Variants in KATNAL2 observed in about 807,000 individuals in gnomAD.
KATNAL2 encodes katanin catalytic subunit A1 like 2, also known as katanin p60 ATPase-containing subunit A-like 2.
Under a neutral mutation model 76.3 loss-of-function variants are expected in KATNAL2, and 52 were observed. That is an observed-to-expected ratio of 0.68 (90% CI 0.55 to 0.86). KATNAL2 has a LOEUF of 0.86. Among genes scored for constraint, KATNAL2 ranks in the 40% least tolerant of loss-of-function variants. The probability of loss-of-function intolerance (pLI) is 0.00; values close to 1 mark genes in which losing one functional copy is unlikely to be tolerated. For missense variants in KATNAL2, 660 were observed against 668.9 expected, an observed-to-expected ratio of 0.99 and a Z score of 0.15; for synonymous variants, 243 against 244.2, an observed-to-expected ratio of 1.00 and a Z score of 0.05.
chr18:46,961,800 G>C (rs2156047), intron 3 of KATNAL2, among the ~76,000 whole-genome samples: 9 of 151,734 alleles, frequency 5.9e-5, no homozygotes, highest in Admixed American at 3.3e-4. Flanking sequence ...TGGCATTTTT[G>C]ATTTGGGCTT....
intron 3 of KATNAL2, chr18:47,032,856 A>G: frequency 2.0e-6 from 3 of 1,495,868 alleles, no homozygotes; most frequent in Admixed American, 3.9e-5. Flanking sequence ...TCACAGGGCC[A>G]GCACATGACA....
rs1411488080 is a variant in KATNAL2, at chr18:47,067,069, C to T, written c.775C>T (p.Leu259Phe). ...PNIKWNDIIG[L>F]DAAKQLVKEA... ...CATAAAGTGGAATGACATTATTGGA[C>T]TTGATGCAGCCAAGCAGTTAGTCAA... The change falls in exon 11 of 18, where the codon CTT becomes TTT. Residue 259 changes from leucine (L) to phenylalanine (F), a missense_variant. Physicochemically the swap from Leu to Phe is conservative, Grantham distance 22. Transcript: ENST00000683218. 3 of 1,588,802 alleles carry T rather than the reference C, an allele frequency of 1.9e-6. 1 individual carries two copies. In the South Asian group the frequency reaches 3.4e-5, roughly 18 times the overall value.
chr18:47,066,847 TTATATATA>T (rs56018747), intron 10 of KATNAL2, among the ~76,000 whole-genome samples, 166 bp from the exon 11 acceptor site: 314 of 29,576 alleles, frequency 0.011, 7 homozygotes, highest in Non-Finnish European at 0.013. Flanking sequence ...ATATATGTGT[TTATATATA>T]TATATATATA....
intron 3 of KATNAL2, chr18:47,034,101 G>A (rs2060634533): frequency 6.2e-7 from 1 of 1,614,084 alleles, no homozygotes; most frequent in African/African-American, 1.3e-5. Flanking sequence ...ACTGATCGTA[G>A]GTGAGGTATT....
Position 46,946,366 on chromosome 18 carries a change from G to T in KATNAL2, c.-200G>T, listed in dbSNP as rs1599401822. On this transcript the variant is annotated 5_prime_UTR_variant, in exon 2 of 18. Transcript: ENST00000683218. ...GCTCTTGACAACCAAAGTGTCCACA[G>T]CAGATTCGTCCAGTCTAGATAGACC... 1 of 1,026,482 alleles carries T rather than the reference G, an allele frequency of 9.7e-7. No individual in the cohort carries two copies. The allele number at this position is 1,026,482 out of a possible 1,614,324, so 63.6% of individuals were successfully genotyped here.
At chr18:47,080,415 A>G (rs1021145046) in intron 15 of KATNAL2, among the ~76,000 whole-genome samples, 2 of 152,214 alleles carry the variant, frequency 1.3e-5, no homozygotes, top group Non-Finnish European at 2.9e-5. Flanking sequence ...AATCAATTTT[A>G]GAACATTTTT....
intron 3 of KATNAL2, among the ~76,000 whole-genome samples, chr18:46,954,399 C>T (rs143039474): frequency 0.019 from 2,770 of 143,992 alleles, 43 homozygotes; most frequent in Admixed American, 0.037. Flanking sequence ...GGCATGATCT[C>T]GGCTCACTGC....
intron 6 of KATNAL2, among the ~76,000 whole-genome samples, chr18:47,057,793 C>T (rs2061512614): frequency 6.6e-6 from 1 of 152,170 alleles, no homozygotes; most frequent in African/African-American, 2.4e-5. Context: ...GGATTAAAAC[C>T]ATGGGGCCAA....
chr18:46,955,413 G>A (rs1423222109), intron 3 of KATNAL2, among the ~76,000 whole-genome samples: 4 of 150,668 alleles, frequency 2.7e-5, no homozygotes, highest in African/African-American at 7.3e-5. Flanking sequence ...AAGTAGAGAC[G>A]GGGTTTCTTC....
chr18:47,057,501 C>T (rs555844333), intron 6 of KATNAL2, among the ~76,000 whole-genome samples: 3 of 152,332 alleles, frequency 2.0e-5, no homozygotes, highest in African/African-American at 7.2e-5. Context: ...TGTATATACT[C>T]TTGTAACCAC....
intron 3 of KATNAL2, among the ~76,000 whole-genome samples, chr18:46,959,300 A>T (rs2059861001): frequency 6.6e-6 from 1 of 152,244 alleles, no homozygotes; most frequent in South Asian, 2.1e-4. Context: ...AAGGAAGATT[A>T]ACCCCTTCAA....
chr18:46,944,144 G>A (rs1335820068), intron 1 of KATNAL2, among the ~76,000 whole-genome samples: 2 of 152,110 alleles, frequency 1.3e-5, no homozygotes, highest in East Asian at 3.8e-4. Context: ...TATTTCTGTA[G>A]CAAAATGTTA....
intron 3 of KATNAL2, among the ~76,000 whole-genome samples, chr18:47,037,942 C>A (rs1426886281): frequency 6.6e-6 from 1 of 152,038 alleles, no homozygotes; most frequent in African/African-American, 2.4e-5. Context: ...ACCTTGGCCT[C>A]CCAAATTGCT....
At chr18:47,050,363 A>G (rs896938650) in intron 4 of KATNAL2, among the ~76,000 whole-genome samples, 2 of 152,220 alleles carry the variant, frequency 1.3e-5, no homozygotes, top group African/African-American at 4.8e-5. Context: ...TGAGGAACTT[A>G]CTAGAATGTA....
At chr18:47,032,686 G>A (rs965890618) in intron 3 of KATNAL2, 13 of 421,340 alleles carry the variant, frequency 3.1e-5, no homozygotes, top group African/African-American at 2.6e-4. Flanking sequence ...AAGGAAAAAG[G>A]AAATCTCACA....
intron 15 of KATNAL2, among the ~76,000 whole-genome samples, chr18:47,094,063 C>T (rs559240009): frequency 6.6e-6 from 1 of 152,260 alleles, no homozygotes; most frequent in South Asian, 2.1e-4. Flanking sequence ...TTTAGGTCAC[C>T]AGGGCTCCAC....
intron 1 of KATNAL2, among the ~76,000 whole-genome samples, chr18:46,942,114 G>C (rs1045751424): frequency 6.6e-6 from 1 of 152,172 alleles, no homozygotes; most frequent in African/African-American, 2.4e-5. Flanking sequence ...CTATGAGGAA[G>C]TTAAGTTTAA....
At position 47,069,995 on chromosome 18, in the gene KATNAL2, A is replaced by G. The variant is rs533765491; in HGVS notation, c.1008+395A>G. ...CTGTATGTTAGTCCCTATGCTAGAT[A>G]CTCTAAGAAAGAATCAAGAAACTTT... is the stretch of plus-strand genomic sequence containing the variant. On this transcript the variant is annotated intron_variant, in intron 13 of 17. Coordinates refer to ENST00000683218, the MANE Select transcript of KATNAL2 (RefSeq NM_001387690.1). Among the ~76,000 whole-genome samples, 8 of 152,084 alleles carry G rather than the reference A, an allele frequency of 5.3e-5. No homozygotes were observed. The East Asian group carries it at 1.5e-3, about 29-fold the overall frequency.
intron 2 of KATNAL2, 62 bp downstream of exon 2, chr18:46,946,608 A>C (rs1245515750): frequency 8.3e-6 from 8 of 966,440 alleles, no homozygotes; most frequent in African/African-American, 1.8e-5. Flanking sequence ...AACAATTGCA[A>C]AGCCCGCCCT....
Sources: gnomAD v4.1 joint callset for allele counts (sites outside exome capture counted in the v4.1 genomes callset) on GRCh38, gnomAD v4.1.1 for gene constraint, MANE v1.5 for transcripts, NCBI Gene and HGNC (gene_info 2026-07-23, HGNC 2026-07-21) for gene names.